IMMP1L: variants seen among roughly 807,000 people sequenced by gnomAD.
IMMP1L encodes mitochondrial inner membrane protease subunit 1.
In IMMP1L, 24 loss-of-function variants were observed where a neutral mutation model predicts 21.8. That is an observed-to-expected ratio of 1.10 (90% CI 0.80 to 1.55). The LOEUF is 1.55. IMMP1L is among the 40% of genes most tolerant of loss of function. IMMP1L has a pLI of 0.00. For missense variants in IMMP1L, 195 were observed against 200.7 expected (o/e 0.97, Z 0.17); for synonymous variants, 46 against 62.8 (o/e 0.73, Z 1.26).
rs1479863530 is a variant in IMMP1L at position 31,443,343 on chromosome 11, A to G, written c.322-9773T>C. 2.0e-5 allele frequency among the ~76,000 whole-genome samples: 3 copies of G among 152,350 alleles called. No homozygotes were observed. The East Asian group carries it at 5.8e-4, about 29-fold the overall frequency. ...GCCAGCAGAAGCTATAAACAAAAACACATGTAAAAAAGTGAAGAATTAAAT... is the reference window on the plus strand; with the variant it reads ...GCCAGCAGAAGCTATAAACAAAAACGCATGTAAAAAAGTGAAGAATTAAAT... On this transcript the variant is annotated intron_variant, in intron 4 of 5. Coordinates refer to ENST00000532287, the MANE Select transcript of IMMP1L (RefSeq NM_001304274.2).
At chr11:31,469,722 T>C (rs1156383522) in intron 1 of IMMP1L, 6 of 152,084 alleles carry the variant, frequency 3.9e-5, no homozygotes, top group African/African-American at 9.7e-5. Flanking sequence ...ACTCACAAAC[T>C]CAAGAAATTC....
At chr11:31,484,865 G>T (rs1955021569) in intron 1 of IMMP1L, among the ~76,000 whole-genome samples, 1 of 151,774 alleles carries the variant, frequency 6.6e-6, no homozygotes. Flanking sequence ...TTTTTTCCCA[G>T]ATGCAAATGT....
intron 4 of IMMP1L, among the ~76,000 whole-genome samples, chr11:31,447,227 G>T (rs1287800579): frequency 6.6e-6 from 1 of 152,184 alleles, no homozygotes; most frequent in African/African-American, 2.4e-5. Context: ...CCTCCTGAAA[G>T]CTATTTAAGT....
chr11:31,432,468 G>A lies in IMMP1L; in HGVS notation c.*32C>T, dbSNP rs766788027. The A allele has an allele frequency of 4.9e-6, 7 of 1,439,716 alleles. No homozygotes were observed. The highest frequency in any genetic ancestry group is 2.8e-5 in the African/African-American group (2 of 71,324). 89.2% of individuals were successfully genotyped at this position (1,439,716 alleles called of 1,614,324 possible). On this transcript the variant is annotated 3_prime_UTR_variant, in exon 6 of 6. Coordinates refer to ENST00000532287, the MANE Select transcript of IMMP1L (RefSeq NM_001304274.2). ...GAGTAATAAATTCACATGAAAAGGA[G>A]ACAATAATCAAGTCAAAAGAATAAA...
intron 1 of IMMP1L, among the ~76,000 whole-genome samples, chr11:31,505,197 T>C (rs1295423136): frequency 6.6e-6 from 1 of 152,206 alleles, no homozygotes; most frequent in Non-Finnish European, 1.5e-5. Flanking sequence ...CATTATATGT[T>C]TTCTGGTGTA....
At chr11:31,477,308 A>G (rs1419358645) in intron 1 of IMMP1L, 1 of 152,388 alleles carries the variant, frequency 6.6e-6, no homozygotes, top group Non-Finnish European at 1.5e-5. Flanking sequence ...ATGAATTGTT[A>G]CCAATAGTAA....
chr11:31,491,436 T>C (rs1468453443), intron 1 of IMMP1L, among the ~76,000 whole-genome samples: 1 of 152,152 alleles, frequency 6.6e-6, no homozygotes, highest in East Asian at 1.9e-4. Flanking sequence ...GCAGTCCTTG[T>C]TGTAAAGTGG....
intron 4 of IMMP1L, among the ~76,000 whole-genome samples, chr11:31,445,793 G>A (rs980922141): frequency 1.3e-4 from 20 of 151,492 alleles, no homozygotes; most frequent in Non-Finnish European, 2.5e-4. Flanking sequence ...GGCACGAGAC[G>A]GATGGCATTT....
At position 31,455,305 on chromosome 11, in the gene IMMP1L, G is replaced by C. The variant is rs77491547; in HGVS notation, c.321+955C>G. ...TAACAAACAGCTGCATTAATAATTT[G>C]ATAGTGACACAGAAGATTTACAGTA... On this transcript the variant is annotated intron_variant, in intron 4 of 5. Coordinates refer to ENST00000532287, the MANE Select transcript of IMMP1L (RefSeq NM_001304274.2). Among the ~76,000 whole-genome samples, 1,086 of 152,200 alleles carry C rather than the reference G, an allele frequency of 7.1e-3. 5 individuals are homozygous for C. The highest frequency in any genetic ancestry group is 9.8e-3 in the Non-Finnish European group (665 of 67,984).
At chr11:31,479,885 A>G (rs1954837071) in intron 1 of IMMP1L, among the ~76,000 whole-genome samples, 1 of 152,072 alleles carries the variant, frequency 6.6e-6, no homozygotes, top group Admixed American at 6.6e-5. Context: ...AATCTGGTAG[A>G]TAAGCTTAGT....
At chr11:31,486,293 G>C (rs1461297856) in intron 1 of IMMP1L, among the ~76,000 whole-genome samples, 2 of 151,820 alleles carry the variant, frequency 1.3e-5, no homozygotes, top group Admixed American at 1.3e-4. Context: ...AAATGGCCTT[G>C]TTCAAGTGAC....
chr11:31,456,153 T>C, intron 4 of IMMP1L, 107 bp downstream of exon 4: 1 of 751,348 alleles, frequency 1.3e-6, no homozygotes, highest in South Asian at 2.8e-5. Flanking sequence ...TGGATGCCCT[T>C]TTTTCTTACA....
chr11:31,435,511 A>C (rs915595503), intron 4 of IMMP1L, among the ~76,000 whole-genome samples: 5 of 152,218 alleles, frequency 3.3e-5, no homozygotes, highest in Admixed American at 6.5e-5. Context: ...TTGCCGCAAA[A>C]TACATTTAAT....
At position 31,453,044 on chromosome 11, in the gene IMMP1L, G is replaced by A. The variant is rs941113007; in HGVS notation, c.321+3216C>T. The stretch of plus-strand genomic sequence containing the variant: ...TGGGATTACAGGCGTGAGCCACCGC[G>A]GCCGGCCAGCAACAGCATCTTAATA... On this transcript the variant is annotated intron_variant, in intron 4 of 5. Coordinates refer to ENST00000532287, the MANE Select transcript of IMMP1L (RefSeq NM_001304274.2). 29 of 1,286,920 alleles carry A rather than the reference G, an allele frequency of 2.3e-5. 1 individual carries two copies. Among genetic ancestry groups the A allele is most frequent in the East Asian group, 1.1e-4 (2 of 17,942 alleles). 79.7% of individuals were successfully genotyped at this position (1,286,920 alleles called of 1,614,324 possible).
chr11:31,500,613 A>G (rs1028318686), intron 1 of IMMP1L, among the ~76,000 whole-genome samples: 20 of 134,286 alleles, frequency 1.5e-4, no homozygotes, highest in African/African-American at 7.2e-4. Context: ...ACACACACAA[A>G]CACACACACA....
intron 1 of IMMP1L, among the ~76,000 whole-genome samples, chr11:31,501,583 A>G (rs1223114): frequency 0.71 from 107,357 of 152,046 alleles, 39,396 homozygotes; most frequent in African/African-American, 0.93. Flanking sequence ...TGTTACAGCA[A>G]CACAGAATAG....
chr11:31,481,186 T>C (rs1592013425), intron 1 of IMMP1L, among the ~76,000 whole-genome samples: 1 of 152,114 alleles, frequency 6.6e-6, no homozygotes. Flanking sequence ...AATATGTTGA[T>C]TATTCTGTTT....
intron 1 of IMMP1L, among the ~76,000 whole-genome samples, chr11:31,481,260 G>A (rs1284140714): frequency 6.6e-6 from 1 of 152,074 alleles, no homozygotes; most frequent in East Asian, 1.9e-4. Context: ...ATGCTAATGT[G>A]TTGCTCCACT....
intron 1 of IMMP1L, among the ~76,000 whole-genome samples, chr11:31,470,479 G>C (rs1036619354): frequency 6.7e-6 from 1 of 148,990 alleles, no homozygotes; most frequent in African/African-American, 2.5e-5. Flanking sequence ...AGGAAGAGAA[G>C]TGAAGAGTAC....
Sources: allele counts gnomAD v4.1 joint callset (sites outside exome capture counted in the v4.1 genomes callset), GRCh38; gene constraint gnomAD v4.1.1; transcripts MANE v1.5; gene names NCBI Gene and HGNC (gene_info 2026-07-23, HGNC 2026-07-21).